PRKCH: variants seen among roughly 807,000 people sequenced by gnomAD.
PRKCH encodes the protein protein kinase C eta, also known as protein kinase C eta type.
PRKCH carries 28 observed loss-of-function variants against 82.5 expected under a neutral mutation model. The ratio of observed to expected loss-of-function variants is 0.34; its 90% CI spans 0.25 to 0.47. The LOEUF (loss-of-function observed/expected upper bound fraction) is 0.47, where lower values mean the gene tolerates loss of function less well. Among genes scored for constraint, PRKCH ranks in the 20% least tolerant of loss-of-function variants. The probability of loss-of-function intolerance (pLI) is 1.00; values close to 1 mark genes in which losing one functional copy is unlikely to be tolerated. For synonymous variants in PRKCH, 322 were observed against 327.4 expected (o/e 0.98, Z 0.18); for missense variants, 705 against 881.8 (o/e 0.80, Z 2.54).
chr14:61,259,679 T>C (rs1466348965), intron 1 of PRKCH, among the ~76,000 whole-genome samples: 2 of 152,226 alleles, frequency 1.3e-5, no homozygotes, highest in Non-Finnish European at 2.9e-5. Flanking sequence ...ATTAATCTTT[T>C]CAATAAATCT....
In PRKCH at chr14:61,303,012, ATTT is replaced by A. The variant is rs139375822; in HGVS notation, c.-19+115360_-19+115362del. 488 of 129,036 alleles carry A rather than the reference ATTT, an allele frequency of 3.8e-3. 2 individuals carry two copies. The highest frequency in any genetic ancestry group is 7.6e-3 in the Admixed American group (92 of 12,084). 8.0% of individuals were successfully genotyped at this position (129,036 alleles called of 1,614,324 possible). ...ACAGATTTGTATATTTGTTCCTTCA[ATTT>A]TTTTTTTTTTTTTTTGAGACAGGGT... On this transcript the variant is annotated intron_variant, in intron 1 of 3. Transcript: ENST00000555185.
At chr14:61,267,971 T>C (rs538534849) in intron 1 of PRKCH, among the ~76,000 whole-genome samples, 66 of 152,354 alleles carry the variant, frequency 4.3e-4, no homozygotes, top group Non-Finnish European at 8.7e-4. Flanking sequence ...CTTCTGCTGA[T>C]ATGAAAAGAA....
Position 61,250,807 on chromosome 14 carries a change from G to A in PRKCH, c.-19+63139G>A, listed in dbSNP as rs2044939120. Among the ~76,000 whole-genome samples the A allele has an allele frequency of 1.3e-5, 2 of 152,130 alleles. 1 individual carries two copies. Among genetic ancestry groups the A allele is most frequent in the South Asian group, 4.2e-4 (2 of 4,810 alleles). On this transcript the variant is annotated intron_variant, in intron 1 of 3. Coordinates refer to the PRKCH transcript ENST00000555185. ...CCACTTTGGTGGGTTGTTAGTGGGG[G>A]AGGTTGTAGGCATGTGGGGCAAGAA...
At chr14:61,462,501 G>C (rs1307783267) in intron 9 of PRKCH, among the ~76,000 whole-genome samples, 1 of 152,204 alleles carries the variant, frequency 6.6e-6, no homozygotes, top group African/African-American at 2.4e-5. Context: ...CAAGGTATCG[G>C]ACTCCACAGT....
intron 1 of PRKCH, among the ~76,000 whole-genome samples, chr14:61,275,334 G>T (rs1355810250): frequency 6.6e-6 from 1 of 152,202 alleles, no homozygotes; most frequent in Admixed American, 6.5e-5. Context: ...TGATGGATAA[G>T]ATTAATGCGA....
intron 1 of PRKCH, among the ~76,000 whole-genome samples, chr14:61,221,680 C>G (rs116756827): frequency 1.3e-5 from 2 of 152,124 alleles, no homozygotes; most frequent in Admixed American, 6.5e-5. Context: ...TAGCCCATGC[C>G]TAGTGGCCTT....
At chr14:61,344,898 AC>A (rs552376568) in intron 1 of PRKCH, among the ~76,000 whole-genome samples, 1 of 151,698 alleles carries the variant, frequency 6.6e-6, no homozygotes, top group African/African-American at 2.4e-5. Flanking sequence ...GCCACCCTGA[AC>A]CCCCCAGTTG....
intron 1 of PRKCH, among the ~76,000 whole-genome samples, chr14:61,351,098 A>G (rs1187772777): frequency 6.6e-6 from 1 of 152,196 alleles, no homozygotes; most frequent in Non-Finnish European, 1.5e-5. Context: ...GTTAAGTAGA[A>G]CTGATTTAGG....
At chr14:61,423,076 T>G (rs1882940085) in intron 2 of PRKCH, among the ~76,000 whole-genome samples, 1 of 152,204 alleles carries the variant, frequency 6.6e-6, no homozygotes, top group African/African-American at 2.4e-5. Context: ...GAGCCTAAGT[T>G]AAAATTCATA....
At chr14:61,453,376 T>C (rs370090658) in intron 7 of PRKCH, 23 bp downstream of exon 7, 18 of 1,607,370 alleles carry the variant, frequency 1.1e-5, no homozygotes, top group Middle Eastern at 1.7e-4. Context: ...TTTTTTTCCA[T>C]GTCTCGTAAT....
chr14:61,404,342 A>G (rs1057455980), intron 2 of PRKCH, among the ~76,000 whole-genome samples: 2 of 152,222 alleles, frequency 1.3e-5, no homozygotes, highest in African/African-American at 4.8e-5. Context: ...TAGTTCTCAT[A>G]GGATTTTGGA....
intron 1 of PRKCH, among the ~76,000 whole-genome samples, chr14:61,297,824 C>A (rs1037633772): frequency 6.6e-6 from 1 of 152,066 alleles, no homozygotes; most frequent in Non-Finnish European, 1.5e-5. Context: ...GTTGGGGACC[C>A]CTGGTCTAGT....
At chr14:61,528,648 C>G (rs562859008) in intron 10 of PRKCH, among the ~76,000 whole-genome samples, 2 of 152,314 alleles carry the variant, frequency 1.3e-5, no homozygotes, top group African/African-American at 4.8e-5. Flanking sequence ...CTCCTAGTGC[C>G]TGTCACCACC....
chr14:61,324,632 A>G (rs929569143), intron 1 of PRKCH, among the ~76,000 whole-genome samples: 1 of 152,034 alleles, frequency 6.6e-6, no homozygotes, highest in Non-Finnish European at 1.5e-5. Context: ...AAATGCTTTA[A>G]AAAAATAGAG....
Position 61,195,698 on chromosome 14 carries a change from G to A in PRKCH, c.-19+8030G>A, listed in dbSNP as rs529960987. Among the ~76,000 whole-genome samples, 5 of 152,304 alleles carry A rather than the reference G, an allele frequency of 3.3e-5. No individual in the cohort carries two copies. In the East Asian group the frequency reaches 9.6e-4, roughly 29 times the overall value. ...GGAGTAGGAGTTGTTGAAGACCCACGTGTCAGTTAAGAGTTTGGTGAGGGG... is the reference window on the plus strand; with the variant it reads ...GGAGTAGGAGTTGTTGAAGACCCACATGTCAGTTAAGAGTTTGGTGAGGGG... On this transcript the variant is annotated intron_variant, in intron 1 of 3. Coordinates refer to the PRKCH transcript ENST00000555185.
intron 1 of PRKCH, chr14:61,302,943 C>T (rs1048647774): frequency 6.6e-6 from 1 of 151,040 alleles, no homozygotes; most frequent in African/African-American, 2.4e-5. Flanking sequence ...ATGTCTAGTT[C>T]TACAAAGTAC....
chr14:61,546,756 T>C (rs1439200255), intron 12 of PRKCH, among the ~76,000 whole-genome samples: 1 of 152,210 alleles, frequency 6.6e-6, no homozygotes, highest in African/African-American at 2.4e-5. Context: ...AAAGATAACC[T>C]GATTTAAATA....
intron 1 of PRKCH, among the ~76,000 whole-genome samples, chr14:61,333,319 A>G (rs1392275833): frequency 6.6e-6 from 1 of 152,200 alleles, no homozygotes; most frequent in Non-Finnish European, 1.5e-5. Flanking sequence ...GAACAATGTC[A>G]TCTGATTAGT....
chr14:61,301,086 A>G (rs1342917840), intron 1 of PRKCH, among the ~76,000 whole-genome samples: 1 of 151,994 alleles, frequency 6.6e-6, no homozygotes, highest in Non-Finnish European at 1.5e-5. Flanking sequence ...CAGGAGAGAG[A>G]TTCTCTTTTC....
Sources: allele counts gnomAD v4.1 joint callset (sites outside exome capture counted in the v4.1 genomes callset), GRCh38; gene constraint gnomAD v4.1.1; transcripts MANE v1.5; gene names NCBI Gene and HGNC (gene_info 2026-07-23, HGNC 2026-07-21).